ZNF487: variants seen among roughly 807,000 people sequenced by gnomAD.
The protein encoded by ZNF487 is zinc finger protein 487.
A neutral mutation model predicts 3.0 loss-of-function variants in ZNF487; 4 were observed. The ratio of observed to expected loss-of-function variants is 1.35; its 90% CI spans 0.66 to 3.08. The LOEUF (loss-of-function observed/expected upper bound fraction) is 3.08, where lower values mean the gene tolerates loss of function less well. Among genes scored for constraint, ZNF487 ranks in the 30% most tolerant of loss-of-function variants. The probability of loss-of-function intolerance (pLI) is 0.01; values close to 1 mark genes in which losing one functional copy is unlikely to be tolerated. For synonymous variants in ZNF487, 55 were observed against 34.6 expected, an observed-to-expected ratio of 1.59 and a Z score of -2.06; for missense variants, 146 against 98.7, an observed-to-expected ratio of 1.48 and a Z score of -2.03.
the ZNF487 span, among the ~76,000 whole-genome samples, chr10:43,493,067 C>A: frequency 2.6e-5 from 4 of 152,020 alleles, no homozygotes; most frequent in African/African-American, 4.8e-5. Flanking sequence ...CCCGTCTCTA[C>A]CAAAGATACA....
chr10:43,448,225 G>A lies in ZNF487; in HGVS notation c.-94+10963G>A, dbSNP rs371465890. Among the ~76,000 whole-genome samples the A allele has an allele frequency of 2.6e-5, 4 of 151,550 alleles. No individual in the cohort carries two copies. In the East Asian group the frequency reaches 5.8e-4, roughly 22 times the overall value. ...AGGATGGTCTCGATCTCCTGACCTC[G>A]TGATCCACCTGCCTCAGCCTCCCAA... On this transcript the variant is annotated intron_variant, in intron 1 of 3. Coordinates refer to ENST00000437590, the MANE Select transcript of ZNF487 (RefSeq NM_001355444.3).
At chr10:43,502,746 G>A in the ZNF487 span, among the ~76,000 whole-genome samples, 1 of 151,916 alleles carries the variant, frequency 6.6e-6, no homozygotes, top group Admixed American at 6.6e-5. Context: ...TTAAAAAAGG[G>A]CAGGCCAGGT....
chr10:43,455,971 A>T (rs1169489356), intron 1 of ZNF487, among the ~76,000 whole-genome samples: 2 of 152,238 alleles, frequency 1.3e-5, no homozygotes, highest in African/African-American at 4.8e-5. Context: ...CTAAAAGCCC[A>T]TTCGGCGGAA....
the ZNF487 span, among the ~76,000 whole-genome samples, chr10:43,490,735 C>G: frequency 6.7e-6 from 1 of 149,536 alleles, no homozygotes; most frequent in Non-Finnish European, 1.5e-5. Context: ...AGTGCAATGG[C>G]ATGATCTCGG....
chr10:43,462,046 T>G (rs988210289), intron 1 of ZNF487, among the ~76,000 whole-genome samples: 10 of 152,226 alleles, frequency 6.6e-5, no homozygotes, highest in African/African-American at 2.2e-4. Flanking sequence ...CTTAATTCTA[T>G]CCCAGTCCTT....
In ZNF487 at chr10:43,476,827, G is replaced by A. The variant is rs1458240365; in HGVS notation, c.130+625G>A. On this transcript the variant is annotated intron_variant, in intron 3 of 3. Transcript: ENST00000437590. Reference sequence around the variant, plus strand: ...TGATGGGGAGCATGTGAGAGATGCTGTCAGAGAGACTGCTCGCTGAGGTGC... The same window carrying A: ...TGATGGGGAGCATGTGAGAGATGCTATCAGAGAGACTGCTCGCTGAGGTGC... Among the ~76,000 whole-genome samples, 3 of 152,202 alleles carry A rather than the reference G, an allele frequency of 2.0e-5. No individual in the cohort carries two copies. The East Asian group carries it at 5.8e-4, about 29-fold the overall frequency.
intron 1 of ZNF487, among the ~76,000 whole-genome samples, chr10:43,455,043 C>G (rs1194560834): frequency 1.4e-5 from 2 of 141,448 alleles, no homozygotes; most frequent in African/African-American, 2.6e-5. Context: ...CAGTCTCGCT[C>G]TGTTGCCCCG....
At chr10:43,450,123 A>G (rs1488940658) in intron 1 of ZNF487, among the ~76,000 whole-genome samples, 1 of 152,122 alleles carries the variant, frequency 6.6e-6, no homozygotes, top group Non-Finnish European at 1.5e-5. Context: ...GGCTCACTGC[A>G]ACCTCCGCCT....
the ZNF487 span, among the ~76,000 whole-genome samples, chr10:43,515,714 G>A: frequency 6.6e-6 from 1 of 152,272 alleles, no homozygotes; most frequent in African/African-American, 2.4e-5. Context: ...CTCACTCAGG[G>A]CAATCTTAGC....
chr10:43,444,755 A>T (rs564053592), intron 1 of ZNF487, among the ~76,000 whole-genome samples: 6 of 152,022 alleles, frequency 3.9e-5, no homozygotes, highest in Non-Finnish European at 5.9e-5. Flanking sequence ...TTTGGTAGAG[A>T]TGGGGTTTCA....
chr10:43,500,586 C>G, the ZNF487 span, among the ~76,000 whole-genome samples: 1 of 152,172 alleles, frequency 6.6e-6, no homozygotes, highest in Non-Finnish European at 1.5e-5. Context: ...ACCGCAACCT[C>G]TGCCTCCCGG....
At chr10:43,470,712 A>T (rs1266947821) in intron 1 of ZNF487, among the ~76,000 whole-genome samples, 2 of 146,586 alleles carry the variant, frequency 1.4e-5, no homozygotes, top group Admixed American at 1.4e-4. Context: ...TAGAGATGGG[A>T]TTTGCCATGT....
chr10:43,469,120 C>T (rs1373959257), intron 1 of ZNF487, among the ~76,000 whole-genome samples: 1 of 151,806 alleles, frequency 6.6e-6, no homozygotes, highest in African/African-American at 2.4e-5. Context: ...TAGCAGTCAT[C>T]AACATTGAGG....
chr10:43,463,614 G>A (rs1339644975), intron 1 of ZNF487, among the ~76,000 whole-genome samples: 2 of 151,464 alleles, frequency 1.3e-5, no homozygotes, highest in East Asian at 1.9e-4. Context: ...TGAACTCCTG[G>A]CATCAAGTGA....
chr10:43,504,293 CTTT>C, the ZNF487 span, among the ~76,000 whole-genome samples: 2 of 108,984 alleles, frequency 1.8e-5, no homozygotes, highest in East Asian at 2.7e-4. Context: ...TTCTTTCTTT[CTTT>C]TTTTTTTTTT....
intron 3 of ZNF487, among the ~76,000 whole-genome samples, chr10:43,480,726 C>T (rs1204980568): frequency 6.6e-6 from 1 of 150,592 alleles, no homozygotes; most frequent in South Asian, 2.1e-4. Context: ...CTCTCTCTCT[C>T]TCTTTTTTTT....
intron 1 of ZNF487, among the ~76,000 whole-genome samples, chr10:43,465,184 C>CG (rs1317257456): frequency 4.2e-5 from 6 of 141,508 alleles, no homozygotes; most frequent in Non-Finnish European, 9.2e-5. Flanking sequence ...GCTGGCCGGG[C>CG]GGGGGGCTGA....
the ZNF487 span, among the ~76,000 whole-genome samples, chr10:43,520,191 T>C: frequency 4.3e-4 from 2 of 4,648 alleles, no homozygotes; most frequent in Non-Finnish European, 1.3e-3. Context: ...CTTGACTAGT[T>C]TTTTTTTTCC....
intron 3 of ZNF487, 44 bp from the exon 4 acceptor site, chr10:43,481,383 AAT>A: frequency 1.5e-6 from 1 of 662,432 alleles, no homozygotes; most frequent in Non-Finnish European, 2.7e-6. Context: ...TTTCATGAAA[AAT>A]ATGTTAACAT....
Sources: allele counts gnomAD v4.1 joint callset (sites outside exome capture counted in the v4.1 genomes callset), GRCh38; gene constraint gnomAD v4.1.1; transcripts MANE v1.5; gene names NCBI Gene and HGNC (gene_info 2026-07-23, HGNC 2026-07-21).